The following TMEM45A variants were observed in gnomAD, a reference collection of about 807,000 sequenced individuals.
The protein encoded by TMEM45A is transmembrane protein 45A.
TMEM45A carries 25 observed loss-of-function variants against 32.0 expected under a neutral mutation model. That is an observed-to-expected ratio of 0.78 (90% CI 0.57 to 1.09). TMEM45A has a LOEUF of 1.09. Among genes scored for constraint, TMEM45A ranks in the 50% least tolerant of loss-of-function variants. The pLI, the probability that TMEM45A is intolerant of heterozygous loss-of-function variation, is 0.00. For missense variants in TMEM45A, 302 were observed against 325.0 expected (o/e 0.93, Z 0.54); for synonymous variants, 122 against 114.8 (o/e 1.06, Z -0.40).
intron 1 of TMEM45A, among the ~76,000 whole-genome samples, chr3:100,506,548 C>G (rs182460361): frequency 9.8e-5 from 15 of 152,344 alleles, no homozygotes; most frequent in Admixed American, 9.1e-4. Context: ...ACATAACAAT[C>G]TAGAGACTGC....
intron 1 of TMEM45A, among the ~76,000 whole-genome samples, chr3:100,548,132 C>T (rs1416480132): frequency 1.3e-5 from 2 of 152,008 alleles, no homozygotes; most frequent in Non-Finnish European, 2.9e-5. Context: ...TGGTTATTTT[C>T]TTCTGACAGA....
intron 1 of TMEM45A, among the ~76,000 whole-genome samples, chr3:100,539,484 T>TATAC (rs1559644578): frequency 1.8e-3 from 200 of 111,996 alleles, no homozygotes; most frequent in Middle Eastern, 4.5e-3. Context: ...TATATGTATA[T>TATAC]GTATATGTAT....
intron 1 of TMEM45A, among the ~76,000 whole-genome samples, chr3:100,505,078 C>CTCATTGCTGGGGAGTGTGGCTA (rs1195890595): frequency 1.3e-5 from 2 of 152,170 alleles, no homozygotes; most frequent in Non-Finnish European, 2.9e-5. Context: ...TTGTCACAGA[C>CTCATTGCTGGGGAGTGTGGCTA]TCATTGCTGG....
intron 1 of TMEM45A, among the ~76,000 whole-genome samples, chr3:100,507,205 T>C (rs1207771298): frequency 1.3e-5 from 2 of 152,210 alleles, no homozygotes; most frequent in African/African-American, 4.8e-5. Flanking sequence ...CACTCTGTCA[T>C]TAGGATGTCC....
chr3:100,524,893 AC>A (rs1705511249), intron 1 of TMEM45A, among the ~76,000 whole-genome samples: 1 of 152,156 alleles, frequency 6.6e-6, no homozygotes, highest in Non-Finnish European at 1.5e-5. Context: ...TTGACTTAGT[AC>A]AAAAAGAAAA....
intron 1 of TMEM45A, among the ~76,000 whole-genome samples, chr3:100,523,803 C>CCTCCTTCTCCTCCTTCTCCTCCTT (rs138475944): frequency 5.5e-5 from 8 of 145,084 alleles, no homozygotes; most frequent in African/African-American, 2.2e-4. Flanking sequence ...TTCTCCTTCT[C>CCTCCTTCTCCTCCTTCTCCTCCTT]CTCCTCCTCC....
At chr3:100,575,191 C>T (rs901626780) in intron 5 of TMEM45A, among the ~76,000 whole-genome samples, 2 of 152,086 alleles carry the variant, frequency 1.3e-5, no homozygotes, top group Admixed American at 6.6e-5. Flanking sequence ...GATATGGTCA[C>T]AGCACAATGC....
At chr3:100,557,594 A>G (rs28758970) in intron 3 of TMEM45A, among the ~76,000 whole-genome samples, 14,662 of 151,948 alleles carry the variant, frequency 0.096, 2,386 homozygotes, top group African/African-American at 0.33. Flanking sequence ...TAAAAAATAG[A>G]TTGATTATGG....
At chr3:100,572,318 T>C (rs1706580536) in intron 5 of TMEM45A, 1 of 152,042 alleles carries the variant, frequency 6.6e-6, no homozygotes, top group Admixed American at 6.5e-5. Context: ...GGTATCTCAT[T>C]GTGGTTTTGA....
chr3:100,493,120 C>CA (rs1559630375), intron 1 of TMEM45A, among the ~76,000 whole-genome samples, 192 bp downstream of exon 1: 10 of 115,916 alleles, frequency 8.6e-5, no homozygotes, highest in African/African-American at 1.0e-4. Context: ...GTTTGCTATT[C>CA]TTTTTTTTTT....
intron 1 of TMEM45A, among the ~76,000 whole-genome samples, chr3:100,517,602 A>C (rs981682466): frequency 4.6e-5 from 7 of 152,328 alleles, no homozygotes; most frequent in Admixed American, 6.5e-5. Context: ...TCAGCCTTTC[A>C]TATTTTTCCT....
intron 4 of TMEM45A, among the ~76,000 whole-genome samples, chr3:100,566,395 G>A (rs1381554018): frequency 6.6e-6 from 1 of 152,084 alleles, no homozygotes. Flanking sequence ...ATAGATAAAT[G>A]GATGAATGTA....
At chr3:100,565,893 C>T (rs931595847) in intron 4 of TMEM45A, among the ~76,000 whole-genome samples, 4 of 152,110 alleles carry the variant, frequency 2.6e-5, no homozygotes, top group Non-Finnish European at 4.4e-5. Flanking sequence ...TTCATCACCC[C>T]GAAAGGAAAC....
intron 1 of TMEM45A, among the ~76,000 whole-genome samples, chr3:100,506,751 C>T (rs148171699): frequency 1.3e-4 from 20 of 152,220 alleles, no homozygotes; most frequent in African/African-American, 4.1e-4. Context: ...AGCTAAGAGT[C>T]GTAGGTAATG....
rs773701479 is a variant in TMEM45A, at chr3:100,558,518, G to A, written c.517G>A (p.Val173Ile). 6.2e-6 allele frequency: 10 copies of A among 1,614,106 alleles called. No homozygotes were observed. The Admixed American group carries it at 1.5e-4, about 24-fold the overall frequency. The change falls in exon 4 of 6, where the codon GTT (valine) becomes ATT (isoleucine). Residue 173 changes from valine to isoleucine, a missense_variant. Coordinates refer to ENST00000323523, the MANE Select transcript of TMEM45A (RefSeq NM_018004.3). ...CCTCGTTGCCTTCCTAGAGTTCCTT[G>A]TTCGGAACAATGTACTTCTGGAGCT... ...TGLVAFLEFL[V>I]RNNVLLELLR...
At chr3:100,555,095 A>G in intron 1 of TMEM45A, 114 bp from the exon 2 acceptor site, 1 of 901,760 alleles carries the variant, frequency 1.1e-6, no homozygotes, top group Non-Finnish European at 1.7e-6. Context: ...AATCATCCTC[A>G]GTGATGTATC....
At chr3:100,526,062 A>G (rs1160414172) in intron 1 of TMEM45A, among the ~76,000 whole-genome samples, 2 of 152,162 alleles carry the variant, frequency 1.3e-5, no homozygotes, top group Non-Finnish European at 1.5e-5. Context: ...TGCAGCAGCC[A>G]CTTAACCAGT....
At chr3:100,565,906 T>C (rs1038801310) in intron 4 of TMEM45A, among the ~76,000 whole-genome samples, 1 of 152,140 alleles carries the variant, frequency 6.6e-6, no homozygotes, top group Non-Finnish European at 1.5e-5. Flanking sequence ...AAGGAAACCT[T>C]GGGCCCATAA....
chr3:100,542,514 C>G (rs1705905073), intron 1 of TMEM45A, among the ~76,000 whole-genome samples: 1 of 152,162 alleles, frequency 6.6e-6, no homozygotes, highest in African/African-American at 2.4e-5. Context: ...GCAGAGTAAA[C>G]AGGCAACCCA....
Sources: allele counts gnomAD v4.1 joint callset (sites outside exome capture counted in the v4.1 genomes callset), GRCh38; gene constraint gnomAD v4.1.1; transcripts MANE v1.5; gene names NCBI Gene and HGNC (gene_info 2026-07-23, HGNC 2026-07-21).